Variants in PDE4D observed in about 807,000 individuals in gnomAD.
PDE4D encodes the protein phosphodiesterase 4D, also known as 3',5'-cyclic-AMP phosphodiesterase 4D.
In PDE4D, 24 loss-of-function variants were observed where a neutral mutation model predicts 87.4. The ratio of observed to expected loss-of-function variants is 0.27; its 90% CI spans 0.20 to 0.39. The LOEUF is 0.39. PDE4D is among the 10% of genes least tolerant of loss of function. The pLI, the probability that PDE4D is intolerant of heterozygous loss-of-function variation, is 1.00. For synonymous variants in PDE4D, 384 were observed against 383.2 expected (o/e 1.00, Z -0.02); for missense variants, 714 against 1,041.0 (o/e 0.69, Z 4.32).
intron 1 of PDE4D, among the ~76,000 whole-genome samples, chr5:59,790,295 T>A (rs768446633): frequency 1.3e-5 from 2 of 152,234 alleles, no homozygotes; most frequent in African/African-American, 2.4e-5. Flanking sequence ...CTCACTCTTA[T>A]TTTGGAATTA....
Position 60,012,407 on chromosome 5 carries a change from C to T in PDE4D, c.43-23690G>A, listed in dbSNP as rs561144822. Among the ~76,000 whole-genome samples, 22 of 152,140 alleles carry T rather than the reference C, an allele frequency of 1.4e-4. No individual in the cohort carries two copies. The South Asian group carries it at 3.3e-3, about 23-fold the overall frequency. On this transcript the variant is annotated intron_variant, in intron 2 of 16. Transcript: ENST00000502484. Reference sequence around the variant, plus strand: ...TCTATTCAGAATTTTCAATGGAAAACGAAAGTACAATGTGACTTTATAAGA... The same window carrying T: ...TCTATTCAGAATTTTCAATGGAAAATGAAAGTACAATGTGACTTTATAAGA...
intron 5 of PDE4D, chr5:59,091,121 G>A (rs1179737892): frequency 4.4e-6 from 2 of 453,426 alleles, no homozygotes; most frequent in South Asian, 3.1e-5. Flanking sequence ...TCCCATTATA[G>A]AGCCCTGTCA....
intron 1 of PDE4D, among the ~76,000 whole-genome samples, chr5:59,285,536 A>G (rs1450064725): frequency 1.3e-5 from 2 of 152,166 alleles, no homozygotes; most frequent in African/African-American, 2.4e-5. Flanking sequence ...TCTCCCAAAG[A>G]AAAAGGAACT....
intron 1 of PDE4D, among the ~76,000 whole-genome samples, chr5:59,714,870 T>C (rs1358606914): frequency 6.6e-6 from 1 of 152,240 alleles, no homozygotes; most frequent in Non-Finnish European, 1.5e-5. Context: ...TCCTGGCAGC[T>C]AAATAGGCTA....
chr5:59,451,773 C>T (rs1211161755), intron 1 of PDE4D, among the ~76,000 whole-genome samples: 2 of 152,176 alleles, frequency 1.3e-5, no homozygotes, highest in African/African-American at 4.8e-5. Flanking sequence ...CTGCTTGCAT[C>T]CCAAGTAATT....
At chr5:60,192,101 T>C (rs1274143723) in intron 1 of PDE4D, among the ~76,000 whole-genome samples, 1 of 152,160 alleles carries the variant, frequency 6.6e-6, no homozygotes, top group African/African-American at 2.4e-5. Context: ...TTACAAAATA[T>C]GTTAAAAATT....
At chr5:59,407,750 A>G (rs957696270) in intron 1 of PDE4D, among the ~76,000 whole-genome samples, 2 of 152,226 alleles carry the variant, frequency 1.3e-5, no homozygotes, top group Admixed American at 6.5e-5. Flanking sequence ...TGGCTACATT[A>G]TATTCATGCC....
At chr5:59,213,989 A>C (rs1750661172) in intron 2 of PDE4D, among the ~76,000 whole-genome samples, 1 of 146,802 alleles carries the variant, frequency 6.8e-6, no homozygotes, top group Non-Finnish European at 1.5e-5. Context: ...ACTCTCTTTG[A>C]TTCTCCTTCT....
At chr5:60,280,774 T>C (rs1751819417) in intron 1 of PDE4D, among the ~76,000 whole-genome samples, 1 of 152,152 alleles carries the variant, frequency 6.6e-6, no homozygotes, top group African/African-American at 2.4e-5. Flanking sequence ...TAAACATAAA[T>C]AATATATAGC....
chr5:59,117,971 G>A (rs541309039), intron 5 of PDE4D, among the ~76,000 whole-genome samples: 18 of 152,078 alleles, frequency 1.2e-4, no homozygotes, highest in Non-Finnish European at 2.2e-4. Flanking sequence ...AAATGCTTCC[G>A]GGACTAAGTA....
intron 1 of PDE4D, among the ~76,000 whole-genome samples, chr5:60,337,351 C>CAAAATATATATATATATA (rs1491477498): frequency 2.1e-4 from 13 of 62,228 alleles, no homozygotes; most frequent in Admixed American, 4.2e-4. Flanking sequence ...AACAAACAAA[C>CAAAATATATATATATATA]TATATATATA....
intron 1 of PDE4D, among the ~76,000 whole-genome samples, chr5:60,187,264 G>A (rs1385708689): frequency 6.6e-6 from 1 of 152,146 alleles, no homozygotes; most frequent in Non-Finnish European, 1.5e-5. Context: ...TTCTCAGCTA[G>A]TACACCTCCA....
intron 1 of PDE4D, among the ~76,000 whole-genome samples, chr5:59,380,554 G>A (rs931682026): frequency 2.0e-5 from 3 of 152,144 alleles, no homozygotes; most frequent in Non-Finnish European, 4.4e-5. Context: ...AACAAATTAT[G>A]CACATTGAGG....
chr5:59,890,413 T>TA (rs1296480304), intron 1 of PDE4D, among the ~76,000 whole-genome samples: 1 of 152,232 alleles, frequency 6.6e-6, no homozygotes, highest in African/African-American at 2.4e-5. Flanking sequence ...AGTCAACAAA[T>TA]ACACTGATTT....
intron 5 of PDE4D, among the ~76,000 whole-genome samples, chr5:59,160,645 C>G (rs143573495): frequency 3.9e-5 from 6 of 152,066 alleles, no homozygotes; most frequent in Non-Finnish European, 7.4e-5. Flanking sequence ...CGCCTGCCCC[C>G]CAAGGTGATT....
intron 1 of PDE4D, among the ~76,000 whole-genome samples, chr5:59,217,470 C>T (rs571320105): frequency 1.4e-3 from 213 of 152,110 alleles, no homozygotes; most frequent in African/African-American, 3.3e-3. Flanking sequence ...ACAGTGGCTC[C>T]GAAATAATCC....
intron 1 of PDE4D, among the ~76,000 whole-genome samples, chr5:60,400,521 C>CAAA (rs56750243): frequency 1.4e-3 from 89 of 62,122 alleles, no homozygotes; most frequent in Non-Finnish European, 1.8e-3. Context: ...GACTCCATCT[C>CAAA]AAAAAAAAAA....
intron 1 of PDE4D, among the ~76,000 whole-genome samples, chr5:59,521,868 G>T (rs1306391358): frequency 6.6e-6 from 1 of 152,082 alleles, no homozygotes; most frequent in African/African-American, 2.4e-5. Context: ...TCTGGTACAT[G>T]GTAAACACTT....
At chr5:59,204,545 A>G (rs1297158952) in intron 2 of PDE4D, among the ~76,000 whole-genome samples, 2 of 152,232 alleles carry the variant, frequency 1.3e-5, no homozygotes, top group Non-Finnish European at 2.9e-5. Context: ...ATATTAGGTT[A>G]TTTTGTTTAA....
Sources: allele counts gnomAD v4.1 joint callset (sites outside exome capture counted in the v4.1 genomes callset), GRCh38; gene constraint gnomAD v4.1.1; transcripts MANE v1.5; gene names NCBI Gene and HGNC (gene_info 2026-07-23, HGNC 2026-07-21).